Variants in CNTNAP2 observed in about 807,000 individuals in gnomAD.
CNTNAP2 encodes contactin-associated protein-like 2.
A neutral mutation model predicts 155.2 loss-of-function variants in CNTNAP2; 98 were observed. The ratio of observed to expected loss-of-function variants is 0.63; its 90% confidence interval spans 0.54 to 0.75. CNTNAP2 has a LOEUF of 0.75. Among genes scored for constraint, CNTNAP2 ranks in the 30% least tolerant of loss-of-function variants. The pLI is 0.00. For synonymous variants in CNTNAP2, 651 were observed against 631.2 expected, an observed-to-expected ratio of 1.03 and a Z score of -0.47; for missense variants, 1,727 against 1,688.1, an observed-to-expected ratio of 1.02 and a Z score of -0.40.
intron 18 of CNTNAP2, among the ~76,000 whole-genome samples, chr7:148,180,991 G>A (rs1585171795): frequency 6.6e-6 from 1 of 152,168 alleles, no homozygotes; most frequent in East Asian, 1.9e-4. Context: ...AGGTGGTAGT[G>A]TCTATCTATC....
intron 9 of CNTNAP2, among the ~76,000 whole-genome samples, chr7:147,362,275 G>A (rs1052540898): frequency 5.9e-5 from 9 of 152,156 alleles, no homozygotes; most frequent in Non-Finnish European, 1.2e-4. Context: ...GGGGATTACA[G>A]TTGCATGCCA....
At chr7:147,670,131 A>C (rs183212987) in intron 13 of CNTNAP2, among the ~76,000 whole-genome samples, 1 of 152,350 alleles carries the variant, frequency 6.6e-6, no homozygotes, top group Non-Finnish European at 1.5e-5. Flanking sequence ...TGTGTTCCAC[A>C]ATATACAGAG....
intron 13 of CNTNAP2, among the ~76,000 whole-genome samples, chr7:147,871,177 T>G (rs539955457): frequency 3.9e-5 from 6 of 152,204 alleles, no homozygotes; most frequent in African/African-American, 1.4e-4. Flanking sequence ...TAAATATGAT[T>G]TAGATATGTA....
chr7:147,293,744 C>G (rs1239097320), intron 8 of CNTNAP2, among the ~76,000 whole-genome samples: 1 of 152,052 alleles, frequency 6.6e-6, no homozygotes, highest in Non-Finnish European at 1.5e-5. Context: ...CTTGTTCAAT[C>G]AAAGCAACTT....
At chr7:146,918,081 T>G (rs180940747) in intron 3 of CNTNAP2, among the ~76,000 whole-genome samples, 18 of 152,320 alleles carry the variant, frequency 1.2e-4, no homozygotes, top group African/African-American at 3.8e-4. Context: ...TCCACATGTG[T>G]CAGGTGAGTC....
intron 1 of CNTNAP2, among the ~76,000 whole-genome samples, chr7:146,590,316 ATAT>A (rs1264365043): frequency 6.6e-6 from 1 of 152,142 alleles, no homozygotes; most frequent in Middle Eastern, 3.2e-3. Context: ...AATATGATAC[ATAT>A]TATTATTCAT....
At chr7:147,591,386 A>G (rs746348871) in intron 12 of CNTNAP2, among the ~76,000 whole-genome samples, 2 of 152,124 alleles carry the variant, frequency 1.3e-5, no homozygotes, top group Non-Finnish European at 2.9e-5. Flanking sequence ...TTGTGAAGAC[A>G]TCAGTTGGAT....
At chr7:146,377,540 T>C (rs985430433) in intron 1 of CNTNAP2, among the ~76,000 whole-genome samples, 4 of 152,134 alleles carry the variant, frequency 2.6e-5, no homozygotes, top group Admixed American at 6.6e-5. Flanking sequence ...TTCTACTGGA[T>C]TGTCTAATGA....
In CNTNAP2 at chr7:147,008,646, A is replaced by T. The variant is rs142561537; in HGVS notation, c.403-35261A>T. Among the ~76,000 whole-genome samples the T allele has an allele frequency of 3.3e-3, 501 of 152,286 alleles. 1 individual carries two copies. The highest frequency in any genetic ancestry group is 0.011 in the African/African-American group (474 of 41,578). On this transcript the variant is annotated intron_variant, in intron 3 of 23. Transcript: ENST00000361727. ...TAACTCAAAGGATTGGTTACAATGT[A>T]GGCTTATATAGCATTCTGACAAAAA...
intron 1 of CNTNAP2, among the ~76,000 whole-genome samples, chr7:146,210,350 A>C (rs1416207544): frequency 6.6e-6 from 1 of 152,176 alleles, no homozygotes; most frequent in Non-Finnish European, 1.5e-5. Context: ...ATGACTTGGA[A>C]GAGAAGAGAT....
At chr7:148,257,141 G>A (rs935940717) in intron 20 of CNTNAP2, among the ~76,000 whole-genome samples, 2 of 152,064 alleles carry the variant, frequency 1.3e-5, no homozygotes, top group African/African-American at 2.4e-5. Flanking sequence ...AGGTCTAGGC[G>A]AGGGCACTGC....
intron 1 of CNTNAP2, among the ~76,000 whole-genome samples, chr7:146,656,305 C>G (rs1799995007): frequency 6.6e-6 from 1 of 152,192 alleles, no homozygotes; most frequent in Non-Finnish European, 1.5e-5. Context: ...GTAAAACTGT[C>G]TCTCATCTTC....
At chr7:148,344,624 C>T (rs1259526858) in intron 21 of CNTNAP2, among the ~76,000 whole-genome samples, 1 of 152,106 alleles carries the variant, frequency 6.6e-6, no homozygotes, top group Admixed American at 6.5e-5. Flanking sequence ...TCCTTGCCGT[C>T]CATTCAATAT....
chr7:147,988,240 C>T (rs1295672761), intron 15 of CNTNAP2, among the ~76,000 whole-genome samples: 1 of 152,130 alleles, frequency 6.6e-6, no homozygotes, highest in Non-Finnish European at 1.5e-5. Context: ...CTTTTGAAGT[C>T]TTATAGTGGA....
chr7:146,469,474 T>C (rs1031303314), intron 1 of CNTNAP2, among the ~76,000 whole-genome samples: 6 of 151,948 alleles, frequency 3.9e-5, no homozygotes, highest in African/African-American at 1.4e-4. Context: ...TCTTCTCAAA[T>C]TGTTTCCACA....
intron 11 of CNTNAP2, among the ~76,000 whole-genome samples, chr7:147,550,810 G>A (rs996022997): frequency 6.6e-6 from 1 of 152,082 alleles, no homozygotes; most frequent in Non-Finnish European, 1.5e-5. Flanking sequence ...ACAAGTAAAG[G>A]CAGAAGTGAA....
chr7:146,693,604 C>A (rs1314770519), intron 1 of CNTNAP2, among the ~76,000 whole-genome samples: 1 of 151,962 alleles, frequency 6.6e-6, no homozygotes, highest in Non-Finnish European at 1.5e-5. Flanking sequence ...AAGTAATCTC[C>A]CCTCCCTGGG....
intron 8 of CNTNAP2, among the ~76,000 whole-genome samples, chr7:147,176,749 A>T (rs1443915531): frequency 8.4e-6 from 1 of 119,710 alleles, no homozygotes; most frequent in African/African-American, 3.3e-5. Flanking sequence ...TATAATTATA[A>T]TATATAATTA....
chr7:147,394,711 T>C (rs978582051), intron 9 of CNTNAP2, among the ~76,000 whole-genome samples: 12 of 151,804 alleles, frequency 7.9e-5, no homozygotes, highest in Admixed American at 6.6e-4. Context: ...TAGTAATTGA[T>C]TGGTGGTGAT....
Sources: allele counts gnomAD v4.1 joint callset (sites outside exome capture counted in the v4.1 genomes callset), GRCh38; gene constraint gnomAD v4.1.1; transcripts MANE v1.5; gene names NCBI Gene and HGNC (gene_info 2026-07-23, HGNC 2026-07-21).